Variants in ALS2 observed in about 807,000 individuals in gnomAD.
The protein encoded by ALS2 is alsin.
A neutral mutation model predicts 203.4 loss-of-function variants in ALS2; 117 were observed. The ratio of observed to expected loss-of-function variants is 0.58; its 90% CI spans 0.50 to 0.67. ALS2 has a LOEUF of 0.67. ALS2 is among the 30% of genes least tolerant of loss of function. The pLI is 0.00. For synonymous variants in ALS2, 718 were observed against 725.9 expected, an observed-to-expected ratio of 0.99 and a Z score of 0.17; for missense variants, 1,715 against 1,989.4, an observed-to-expected ratio of 0.86 and a Z score of 2.62.
Position 201,714,717 on chromosome 2 carries a change from C to T in ALS2, c.4004+955G>A, listed in dbSNP as rs544286619. Among the ~76,000 whole-genome samples, 145 of 152,326 alleles carry T rather than the reference C, an allele frequency of 9.5e-4. 1 individual carries two copies. The highest frequency in any genetic ancestry group is 2.7e-3 in the African/African-American group (113 of 41,582). ...ACTTCTCAAAGCCTTTGCATCCTTC[C>T]TGGGTTTGTTCTGTGAGTGTACAAC... On this transcript the variant is annotated intron_variant, in intron 25 of 33. Coordinates refer to ENST00000264276, the MANE Select transcript of ALS2 (RefSeq NM_020919.4).
In ALS2 at chr2:201,761,664, A is replaced by G. The variant is rs549123753; in HGVS notation, c.330T>C (p.Gly110=). The change falls in exon 4 of 34, where the codon GGT becomes GGC. Residue 110 remains glycine, a synonymous_variant. Transcript: ENST00000264276. ...SFHSGAVTDN[G]VAYMWGENSA... ...AATTCTCTCCCCACATGTACGCGAC[A>G]CCATTGTCTGTCACTGCTCCACTAT... is the stretch of plus-strand genomic sequence containing the variant. 1 of 1,614,148 alleles carries G rather than the reference A, an allele frequency of 6.2e-7. No individual in the cohort carries two copies. The highest frequency in any genetic ancestry group is 1.3e-5 in the African/African-American group (1 of 75,024).
chr2:201,744,937 A>G (rs1227064431), intron 9 of ALS2, among the ~76,000 whole-genome samples: 2 of 152,220 alleles, frequency 1.3e-5, no homozygotes, highest in African/African-American at 4.8e-5. Context: ...CAATGAAAAG[A>G]GATTTTCTTA....
At chr2:201,762,586 T>A (rs934070691) in intron 3 of ALS2, among the ~76,000 whole-genome samples, 4 of 152,212 alleles carry the variant, frequency 2.6e-5, no homozygotes, top group Non-Finnish European at 5.9e-5. Context: ...ACATCAGCAC[T>A]CAGAAAGTTC....
chr2:201,780,085 T>A (rs1236847967), intron 1 of ALS2: 1 of 152,246 alleles, frequency 6.6e-6, no homozygotes, highest in Non-Finnish European at 1.5e-5. Flanking sequence ...TTCTCCATCC[T>A]AAACCAGAAA....
At chr2:201,770,501 A>G (rs925015628) in intron 1 of ALS2, among the ~76,000 whole-genome samples, 1 of 152,054 alleles carries the variant, frequency 6.6e-6, no homozygotes, top group Non-Finnish European at 1.5e-5. Context: ...TGTTTTTACA[A>G]CTTTCTTTTC....
intron 23 of ALS2, chr2:201,719,862 A>G (rs547624064): frequency 5.2e-6 from 1 of 191,722 alleles, no homozygotes; most frequent in African/African-American, 2.4e-5. Context: ...AGTAGATAAC[A>G]TAGAGAAATA....
chr2:201,707,797 G>T, intron 28 of ALS2, 72 bp downstream of exon 28: 1 of 1,569,450 alleles, frequency 6.4e-7, no homozygotes, highest in Non-Finnish European at 8.7e-7. Context: ...ACACTTTCTC[G>T]CTGGGACTCT....
chr2:201,724,939 C>G (rs553358437), intron 20 of ALS2, among the ~76,000 whole-genome samples: 3 of 152,054 alleles, frequency 2.0e-5, no homozygotes, highest in African/African-American at 7.2e-5. Flanking sequence ...CGGTGAAACC[C>G]TGTCTCTACT....
chr2:201,776,785 T>C (rs937412306), intron 1 of ALS2, among the ~76,000 whole-genome samples: 8 of 152,184 alleles, frequency 5.3e-5, no homozygotes, highest in African/African-American at 1.9e-4. Flanking sequence ...TACTAAAAAA[T>C]ATTATTCTCG....
chr2:201,726,372 A>C (rs1691163247), intron 19 of ALS2, 112 bp downstream of exon 19: 1 of 1,023,094 alleles, frequency 9.8e-7, no homozygotes. Context: ...TTTCTAAAAA[A>C]TAACAACAAA....
intron 6 of ALS2, among the ~76,000 whole-genome samples, chr2:201,753,546 A>G (rs1188628702): frequency 6.6e-6 from 1 of 152,188 alleles, no homozygotes; most frequent in Non-Finnish European, 1.5e-5. Flanking sequence ...TAACCACAGA[A>G]GGAAGGTAAT....
At chr2:201,756,764 A>C (rs1299928634) in intron 5 of ALS2, among the ~76,000 whole-genome samples, 1 of 152,218 alleles carries the variant, frequency 6.6e-6, no homozygotes, top group Non-Finnish European at 1.5e-5. Context: ...TTTAGTGTGC[A>C]TACTAATCAC....
At position 201,701,856 on chromosome 2, in the gene ALS2, T is replaced by C; in HGVS notation, c.4969A>G (p.Asn1657Asp). The C allele has an allele frequency of 6.2e-7, 1 of 1,613,784 alleles. No homozygotes were observed. Among genetic ancestry groups the C allele is most frequent in the Non-Finnish European group, 8.5e-7 (1 of 1,179,864 alleles). ...TTTTCAAGCTGTTATGCAGCCTAGT[T>C]AAGCTTCTCACGCTGAATCTGGTAG... ...CYYQIQREKLN is the reference protein window; with the variant it reads ...CYYQIQREKLD The change falls in exon 34 of 34, where the codon AAC (asparagine) becomes GAC (aspartate). Residue 1657 changes from asparagine to aspartate, a missense_variant. Physicochemically the swap from Asn to Asp is conservative, Grantham distance 23 (BLOSUM62 1). Transcript: ENST00000264276.
At chr2:201,748,106 A>G (rs1692788725) in intron 8 of ALS2, among the ~76,000 whole-genome samples, 1 of 152,168 alleles carries the variant, frequency 6.6e-6, no homozygotes, top group Admixed American at 6.5e-5. Flanking sequence ...GTGTTTAGAT[A>G]GTTTCAGCAC....
At chr2:201,717,438 C>A (rs1187164111) in intron 24 of ALS2, among the ~76,000 whole-genome samples, 2 of 150,528 alleles carry the variant, frequency 1.3e-5, no homozygotes, top group Non-Finnish European at 3.0e-5. Flanking sequence ...CACACTCCAG[C>A]CTGGACGACA....
At chr2:201,745,094 G>A (rs750672152) in intron 9 of ALS2, among the ~76,000 whole-genome samples, 1 of 152,214 alleles carries the variant, frequency 6.6e-6, no homozygotes, top group African/African-American at 2.4e-5. Context: ...ACACACGAGA[G>A]CTTCATTCCT....
chr2:201,746,628 C>G lies in ALS2; in HGVS notation c.1936G>C (p.Gly646Arg). The change falls in exon 9 of 34, where the codon GGT becomes CGT. Residue 646 changes from glycine (G) to arginine (R), a missense_variant. By Grantham distance (125) the Gly-to-Arg change is moderately radical. Transcript: ENST00000264276. ...YYSGRQDPTE[G>R]DNLPENHSGS... is the part of the protein sequence containing the mutation. Reference sequence around the variant, plus strand: ...CTGTGATTCTCTGGAAGGTTGTCACCTTCTGTAGGGTCCTGTCGGCCACTG... The same window carrying G: ...CTGTGATTCTCTGGAAGGTTGTCACGTTCTGTAGGGTCCTGTCGGCCACTG... 1 of 1,614,132 alleles carries G rather than the reference C, an allele frequency of 6.2e-7. No homozygotes were observed.
At chr2:201,727,448 T>G (rs1363898509) in intron 16 of ALS2, among the ~76,000 whole-genome samples, 170 bp from the exon 17 acceptor site, 1 of 152,214 alleles carries the variant, frequency 6.6e-6, no homozygotes, top group African/African-American at 2.4e-5. Flanking sequence ...AAGAATTCTC[T>G]GCTCTGTGCT....
intron 10 of ALS2, 72 bp downstream of exon 10, chr2:201,744,186 T>C (rs1692476265): frequency 1.3e-6 from 2 of 1,502,382 alleles, no homozygotes; most frequent in Admixed American, 3.4e-5. Flanking sequence ...CAGGTTTTCA[T>C]TATTTGTGAC....
Sources: allele counts gnomAD v4.1 joint callset (sites outside exome capture counted in the v4.1 genomes callset), GRCh38; gene constraint gnomAD v4.1.1; transcripts MANE v1.5; gene names NCBI Gene and HGNC (gene_info 2026-07-23, HGNC 2026-07-21).